PEAR1: variants seen among roughly 807,000 people sequenced by gnomAD.
The protein encoded by PEAR1 is platelet endothelial aggregation receptor 1.
In PEAR1, 113 loss-of-function variants were observed where a neutral mutation model predicts 131.2. The ratio of observed to expected loss-of-function variants is 0.86; its 90% CI spans 0.74 to 1.01. The LOEUF is 1.01. Ranked by LOEUF, PEAR1 falls within the 50% of genes least tolerant of loss-of-function variation. The pLI, the probability that PEAR1 is intolerant of heterozygous loss-of-function variation, is 0.00. For missense variants in PEAR1, 1,408 were observed against 1,391.1 expected (o/e 1.01, Z -0.19); for synonymous variants, 565 against 523.3 (o/e 1.08, Z -1.09).
rs771561483 is a variant in PEAR1, at chr1:156,906,784, A to G, written c.548A>G (p.Tyr183Cys). 4 of 1,614,180 alleles carry G rather than the reference A, an allele frequency of 2.5e-6. No homozygotes were observed. The highest frequency in any genetic ancestry group is 1.7e-5 in the Admixed American group (1 of 60,032). ...NCLQPCTPGYYGPACQFRCQC... is the reference protein window; with the variant it reads ...NCLQPCTPGYCGPACQFRCQC... ...CTTCAGCCCTGTACCCCTGGCTACT[A>G]TGGCCCTGCCTGCCAGTTCCGCTGC... The change falls in exon 6 of 23, where the codon TAT becomes TGT. Residue 183 changes from tyrosine (Y) to cysteine (C), a missense_variant. Tyr to Cys is a radical substitution (Grantham distance 194). Coordinates refer to ENST00000292357, the MANE Select transcript of PEAR1 (RefSeq NM_001080471.3).
In PEAR1 at chr1:156,902,576, T is replaced by C. The variant is rs1251041579; in HGVS notation, c.-9-1342T>C. On this transcript the variant is annotated intron_variant, in intron 1 of 22. Coordinates refer to ENST00000292357, the MANE Select transcript of PEAR1 (RefSeq NM_001080471.3). This position sits in a 1 kb window ranked among gnomAD's most constrained non-coding sequence, Gnocchi z 4.3. ...GCCCTTCTTGGGGCTGAGAGTGGCTTTGGGGACCCTGGGAGTGTGTGGGTG... is the reference window on the plus strand; with the variant it reads ...GCCCTTCTTGGGGCTGAGAGTGGCTCTGGGGACCCTGGGAGTGTGTGGGTG... Among the ~76,000 whole-genome samples, 1 of 151,892 alleles carries C rather than the reference T, an allele frequency of 6.6e-6. No individual in the cohort carries two copies. The highest frequency in any genetic ancestry group is 1.5e-5 in the Non-Finnish European group (1 of 67,946).
Position 156,912,905 on chromosome 1 carries a change from A to C in PEAR1, c.2345A>C (p.Gln782Pro). The C allele has an allele frequency of 6.2e-7, 1 of 1,614,230 alleles. No homozygotes were observed. Among genetic ancestry groups the C allele is most frequent in the Non-Finnish European group, 8.5e-7 (1 of 1,180,042 alleles). The change falls in exon 18 of 23, where the codon CAA becomes CCA. Residue 782 changes from glutamine (Q) to proline (P), a missense_variant. Coordinates refer to ENST00000292357, the MANE Select transcript of PEAR1 (RefSeq NM_001080471.3). The stretch of plus-strand genomic sequence containing the variant: ...CTGTTCATTGGCTATCGGCACTGGC[A>C]AAAAGGCAAGGAGCACCACCACCTG... ...VALFIGYRHW[Q>P]KGKEHHHLAV...
Position 156,913,248 on chromosome 1 carries a change from C to G in PEAR1, c.2477C>G (p.Ser826Trp). ...YYSNPSYHTL[S>W]QCSPNPPPPN... ...TCCAACCCCAGCTACCACACCCTGT[C>G]GCAGTGCTCCCCAAACCCCCCACCC... The change falls in exon 19 of 23, where the codon TCG becomes TGG. Residue 826 changes from serine to tryptophan, a missense_variant. Physicochemically the swap from Ser to Trp is radical, Grantham distance 177. Coordinates refer to ENST00000292357, the MANE Select transcript of PEAR1 (RefSeq NM_001080471.3). 6.2e-7 allele frequency: 1 copy of G among 1,613,166 alleles called. No homozygotes were observed. Among genetic ancestry groups the G allele is most frequent in the Non-Finnish European group, 8.5e-7 (1 of 1,179,526 alleles).
intron 3 of PEAR1, 151 bp downstream of exon 3, chr1:156,905,003 G>A (rs1248870655): frequency 1.3e-6 from 2 of 1,548,880 alleles, no homozygotes; most frequent in Non-Finnish European, 1.7e-6. Flanking sequence ...TGTCGGGTAC[G>A]TGTGTATGGG....
intron 15 of PEAR1, 106 bp downstream of exon 15, chr1:156,910,849 A>T: frequency 6.7e-7 from 1 of 1,489,464 alleles, no homozygotes; most frequent in Non-Finnish European, 9.0e-7. Context: ...CTCTGGGCCC[A>T]CCTTGAGTAA....
intron 5 of PEAR1, 70 bp downstream of exon 5, chr1:156,906,438 TC>T: frequency 6.3e-7 from 1 of 1,579,984 alleles, no homozygotes; most frequent in Non-Finnish European, 8.7e-7. Flanking sequence ...AGGTACACCC[TC>T]CCTACCAGGG....
chr1:156,905,315 C>A lies in PEAR1; in HGVS notation c.207-9C>A, dbSNP rs2644590. ...GGAGGGCTGAGGGCCGCCTTCCTGG[C>A]CTCCGCAGGGTTGTATACCGGACCG... On this transcript the variant is annotated splice_polypyrimidine_tract_variant and intron_variant, in intron 3 of 22. Coordinates refer to ENST00000292357, the MANE Select transcript of PEAR1 (RefSeq NM_001080471.3). The A allele has an allele frequency of 0.72, 1,159,858 of 1,605,512 alleles. 444,526 individuals carry two copies. The highest frequency in any genetic ancestry group is 0.8 in the Non-Finnish European group (942,492 of 1,177,262).
At position 156,913,948 on chromosome 1, in the gene PEAR1, G is replaced by C. The variant is rs780348327; in HGVS notation, c.2810G>C (p.Gly937Ala). 6 of 1,613,920 alleles carry C rather than the reference G, an allele frequency of 3.7e-6. No homozygotes were observed. Among genetic ancestry groups the C allele is most frequent in the South Asian group, 3.3e-5 (3 of 91,068 alleles). Reference sequence around the variant, plus strand: ...CGGGACCTGCCCAGCTTGCCAGGGGGCCCCCGGGAGAGCAGCTACATGGAG... The same window carrying C: ...CGGGACCTGCCCAGCTTGCCAGGGGCCCCCCGGGAGAGCAGCTACATGGAG... The part of the protein sequence containing the change: ...TIRDLPSLPG[G>A]PRESSYMEMK... Residue 937 changes from glycine to alanine, a missense_variant, in exon 22 of 23, where the codon GGC becomes GCC. By Grantham distance (60) the Gly-to-Ala change is moderately conservative. Coordinates refer to ENST00000292357, the MANE Select transcript of PEAR1 (RefSeq NM_001080471.3).
In PEAR1 at chr1:156,911,073, CTTT is replaced by C. The variant is rs757340620; in HGVS notation, c.1951+331_1951+333del. 6.7e-3 allele frequency among the ~76,000 whole-genome samples: 756 copies of C among 112,934 alleles called. 7 individuals carry two copies. The highest frequency in any genetic ancestry group is 0.034 in the African/African-American group (644 of 18,914). 74.1% of individuals were successfully genotyped at this position (112,934 alleles called of 152,430 possible). On this transcript the variant is annotated intron_variant, in intron 15 of 22. Transcript: ENST00000292357. ...TCTTTCTTTCTTTCTTTCTTTCTTT[CTTT>C]CTTTCTTTCTTTCTTTCCTTTCTTT... is the stretch of plus-strand genomic sequence containing the variant.
At position 156,911,037 on chromosome 1, in the gene PEAR1, T is replaced by TTTTCTTTCTTTCTTTCTTTC. The variant is rs71681254; in HGVS notation, c.1951+331_1951+350dup. On this transcript the variant is annotated intron_variant, in intron 15 of 22. Coordinates refer to ENST00000292357, the MANE Select transcript of PEAR1 (RefSeq NM_001080471.3). ...CTTGGGACATTTTCTCTTGATTTCT[T>TTTTCTTTCTTTCTTTCTTTC]TTTCTTTCTTTCTTTCTTTCTTTCT... 1.4e-4 allele frequency among the ~76,000 whole-genome samples: 16 copies of TTTTCTTTCTTTCTTTCTTTC among 113,272 alleles called. 1 individual carries two copies. The highest frequency in any genetic ancestry group is 2.3e-4 in the Non-Finnish European group (13 of 56,708). The allele number at this position is 113,272 out of a possible 152,430, so 74.3% of individuals were successfully genotyped here.
intron 6 of PEAR1, among the ~76,000 whole-genome samples, chr1:156,907,252 G>T (rs1416330071): frequency 1.3e-5 from 2 of 152,220 alleles, no homozygotes; most frequent in African/African-American, 4.8e-5. Flanking sequence ...GGAGAAGGTA[G>T]ACCTAGGTGG....
At chr1:156,896,162 G>C (rs749969251) in intron 1 of PEAR1, among the ~76,000 whole-genome samples, 1 of 152,240 alleles carries the variant, frequency 6.6e-6, no homozygotes, top group Admixed American at 6.5e-5. Flanking sequence ...TCAGTTGCCT[G>C]TGTGGCCTAG....
Position 156,908,931 on chromosome 1 carries a change from A to G in PEAR1, c.1306A>G (p.Ser436Gly). ...APGYTGPHCA[S>G]LCPPDTYGVN... ...CCTCTTTCAGGGCCCTCACTGTGCT[A>G]GTCTTTGTCCTCCTGACACCTACGG... Residue 436 changes from serine to glycine, a missense_variant, in exon 11 of 23, where the codon AGT (serine) becomes GGT (glycine). By Grantham distance (56) the Ser-to-Gly change is moderately conservative (BLOSUM62 0). Coordinates refer to ENST00000292357, the MANE Select transcript of PEAR1 (RefSeq NM_001080471.3). The surrounding 1 kb of genome is among the most constrained non-coding windows in gnomAD (Gnocchi z 4.2). 1.2e-6 allele frequency: 2 copies of G among 1,613,758 alleles called. No individual in the cohort carries two copies. Among genetic ancestry groups the G allele is most frequent in the African/African-American group, 2.7e-5 (2 of 75,052 alleles).
At position 156,907,840 on chromosome 1, in the gene PEAR1, G is replaced by C. The variant is rs543080236; in HGVS notation, c.766-75G>C. On this transcript the variant is annotated intron_variant, in intron 7 of 22. Coordinates refer to ENST00000292357, the MANE Select transcript of PEAR1 (RefSeq NM_001080471.3). Reference sequence around the variant, plus strand: ...GAGGGGGGTGAGCTCTGTGGTTATGGGGGTGTCAAGGGGTCCTGTGGCCTT... The same window carrying C: ...GAGGGGGGTGAGCTCTGTGGTTATGCGGGTGTCAAGGGGTCCTGTGGCCTT... The C allele has an allele frequency of 1.5e-4, 237 of 1,579,388 alleles. 5 individuals are homozygous for C. The East Asian group carries it at 5.2e-3, about 35-fold the overall frequency.
At position 156,910,118 on chromosome 1, in the gene PEAR1, C is replaced by T; in HGVS notation, c.1678+10C>T. On this transcript the variant is annotated intron_variant, in intron 13 of 22. Transcript: ENST00000292357. ...CAGGCTGGCTGGATGGGTGAGCATT[C>T]TGGGGCCCCAGGCCTACTGTGGATT... 1 of 1,614,052 alleles carries T rather than the reference C, an allele frequency of 6.2e-7. No individual in the cohort carries two copies. Among genetic ancestry groups the T allele is most frequent in the Middle Eastern group, 1.6e-4 (1 of 6,062 alleles).
Position 156,913,458 on chromosome 1 carries a change from A to C in PEAR1, c.2579A>C (p.Asn860Thr). Residue 860 changes from asparagine to threonine, a missense_variant, in exon 20 of 23, where the codon AAC (asparagine) becomes ACC (threonine). Coordinates refer to ENST00000292357, the MANE Select transcript of PEAR1 (RefSeq NM_001080471.3). ...CCAGGTGGGGCCCAAGGGCATGATAACCACACCACCCTGCCTGCTGACTGG... is the reference window on the plus strand; with the variant it reads ...CCAGGTGGGGCCCAAGGGCATGATACCCACACCACCCTGCCTGCTGACTGG... ...ERPGGAQGHD[N>T]HTTLPADWKH... is the part of the protein sequence containing the mutation. 1.2e-6 allele frequency: 2 copies of C among 1,613,626 alleles called. No individual in the cohort carries two copies. The highest frequency in any genetic ancestry group is 1.7e-6 in the Non-Finnish European group (2 of 1,179,994).
chr1:156,909,778 C>T lies in PEAR1; in HGVS notation c.1439C>T (p.Pro480Leu). Residue 480 changes from proline to leucine, a missense_variant, in exon 12 of 23, where the codon CCC becomes CTC. Pro to Leu is a moderately conservative substitution (Grantham distance 98, BLOSUM62 -3). Coordinates refer to ENST00000292357, the MANE Select transcript of PEAR1 (RefSeq NM_001080471.3). ...EGWQRGNCSV[P>L]CPPGTWGFSC... ...TGGCAGCGTGGTAACTGCTCTGTGC[C>T]CTGCCCACCCGGAACCTGGGGCTTC... The T allele has an allele frequency of 6.2e-7, 1 of 1,613,276 alleles. No homozygotes were observed. The highest frequency in any genetic ancestry group is 8.5e-7 in the Non-Finnish European group (1 of 1,179,494).
rs1367204625 is a variant in PEAR1 at position 156,910,717 on chromosome 1, G to T, written c.1925G>T (p.Gly642Val). 1.4e-5 allele frequency: 22 copies of T among 1,613,974 alleles called. No homozygotes were observed. The highest frequency in any genetic ancestry group is 4.2e-6 in the Non-Finnish European group (5 of 1,180,036). The change falls in exon 15 of 23, where the codon GGC becomes GTC. Residue 642 changes from glycine (G) to valine (V), a missense_variant. Gly to Val is a moderately radical substitution (Grantham distance 109). Transcript: ENST00000292357. ...AACGGGACCTGCTACTGCCTGGCTG[G>T]CTGGACAGGCCCCGACTGCTCCCAG... Reference protein sequence around the residue: ...PSNGTCYCLAGWTGPDCSQPC... With the variant: ...PSNGTCYCLAVWTGPDCSQPC...
Position 156,911,454 on chromosome 1 carries a change from A to G in PEAR1, c.1951+711A>G, listed in dbSNP as rs1052754814. On this transcript the variant is annotated intron_variant, in intron 15 of 22. Transcript: ENST00000292357. ...ACCACCACAGCAGGCTAATTTTTGT[A>G]TGTTTAGTAGAGACCCCTGGGGTTT... Among the ~76,000 whole-genome samples, 3 of 151,472 alleles carry G rather than the reference A, an allele frequency of 2.0e-5. 1 individual carries two copies. Among genetic ancestry groups the G allele is most frequent in the Admixed American group, 1.3e-4 (2 of 15,210 alleles).
Sources: allele counts gnomAD v4.1 joint callset (sites outside exome capture counted in the v4.1 genomes callset), GRCh38; gene constraint gnomAD v4.1.1; non-coding constraint Gnocchi (gnomAD v3.1); transcripts MANE v1.5; gene names NCBI Gene and HGNC (gene_info 2026-07-23, HGNC 2026-07-21).